RPS6KA2: variants seen among roughly 807,000 people sequenced by gnomAD.
The protein encoded by RPS6KA2 is ribosomal protein S6 kinase alpha-2.
In RPS6KA2, 42 loss-of-function variants were observed where a neutral mutation model predicts 91.8. The observed-to-expected ratio is 0.46, with a 90% confidence interval of 0.36 to 0.59. RPS6KA2 has a LOEUF of 0.59. Ranked by LOEUF, RPS6KA2 falls within the 20% of genes least tolerant of loss-of-function variation. The pLI is 0.00. For synonymous variants in RPS6KA2, 414 were observed against 393.6 expected, an observed-to-expected ratio of 1.05 and a Z score of -0.61; for missense variants, 798 against 978.5, an observed-to-expected ratio of 0.82 and a Z score of 2.46.
intron 16 of RPS6KA2, among the ~76,000 whole-genome samples, chr6:166,427,363 C>T (rs1468494089): frequency 6.6e-6 from 1 of 152,212 alleles, no homozygotes; most frequent in Non-Finnish European, 1.5e-5. Flanking sequence ...TGAGCAAAAA[C>T]TGGAAGCATT....
chr6:166,546,075 G>T (rs540989518), intron 1 of RPS6KA2, among the ~76,000 whole-genome samples: 1 of 152,290 alleles, frequency 6.6e-6, no homozygotes, highest in East Asian at 1.9e-4. Context: ...GGTGTTTTAG[G>T]TATGGCTCCG....
intron 3 of RPS6KA2, among the ~76,000 whole-genome samples, chr6:166,513,637 G>C (rs1782545077): frequency 6.6e-6 from 1 of 152,204 alleles, no homozygotes; most frequent in Non-Finnish European, 1.5e-5. Context: ...TGTCCTCACT[G>C]GACACAGGGG....
chr6:166,758,589 G>T (rs1399302924), intron 2 of RPS6KA2, among the ~76,000 whole-genome samples: 1 of 152,194 alleles, frequency 6.6e-6, no homozygotes, highest in East Asian at 1.9e-4. Flanking sequence ...ATAGCTTCTT[G>T]TTAATACATA....
intron 10 of RPS6KA2, among the ~76,000 whole-genome samples, chr6:166,476,061 C>T (rs901596597): frequency 4.6e-5 from 7 of 152,220 alleles, no homozygotes; most frequent in Admixed American, 1.3e-4. Context: ...ATAATGAGTC[C>T]GGCATCAGCA....
At chr6:166,595,881 A>G (rs558992567) in intron 1 of RPS6KA2, among the ~76,000 whole-genome samples, 15 of 152,382 alleles carry the variant, frequency 9.8e-5, no homozygotes, top group African/African-American at 3.6e-4. Context: ...TCCTGAGCCA[A>G]GCAAATCCAA....
intron 1 of RPS6KA2, among the ~76,000 whole-genome samples, chr6:166,593,316 G>A (rs1583309307): frequency 6.6e-6 from 1 of 152,128 alleles, no homozygotes; most frequent in South Asian, 2.1e-4. Flanking sequence ...GGAATGGAAT[G>A]GAATAGAATA....
intron 2 of RPS6KA2, among the ~76,000 whole-genome samples, chr6:166,736,582 A>G (rs1180229829): frequency 6.6e-6 from 1 of 152,170 alleles, no homozygotes; most frequent in African/African-American, 2.4e-5. Flanking sequence ...GAAAGTGAAG[A>G]TCATTCCATT....
intron 14 of RPS6KA2, among the ~76,000 whole-genome samples, chr6:166,443,559 C>T (rs556993208): frequency 1.6e-4 from 24 of 152,306 alleles, no homozygotes; most frequent in Non-Finnish European, 2.4e-4. Flanking sequence ...ACGTTTAAAG[C>T]GGATCCTTCC....
At chr6:166,851,289 G>T (rs920403624) in intron 2 of RPS6KA2, among the ~76,000 whole-genome samples, 21 of 152,178 alleles carry the variant, frequency 1.4e-4, no homozygotes, top group African/African-American at 4.8e-4. Context: ...ACCCAAACTG[G>T]ATCTCATCGC....
chr6:166,709,970 T>C lies in RPS6KA2; in HGVS notation c.123+148230A>G, dbSNP rs752039733. Among the ~76,000 whole-genome samples, 3 of 152,372 alleles carry C rather than the reference T, an allele frequency of 2.0e-5. No individual in the cohort carries two copies. In the South Asian group the frequency reaches 6.2e-4, roughly 32 times the overall value. The stretch of plus-strand genomic sequence containing the variant: ...AACTGTAAGAGGGTTTCAGTTTTCA[T>C]GTACGCCATATTCTATTATCGAACC... On this transcript the variant is annotated intron_variant, in intron 2 of 21. Coordinates refer to the RPS6KA2 transcript ENST00000503859.
intron 2 of RPS6KA2, among the ~76,000 whole-genome samples, chr6:166,818,812 G>A (rs1454420755): frequency 6.6e-6 from 1 of 151,912 alleles, no homozygotes; most frequent in Non-Finnish European, 1.5e-5. Context: ...TTGAACCAAC[G>A]ACTGTGTCCT....
At chr6:166,528,705 A>G (rs1247208387) in intron 3 of RPS6KA2, among the ~76,000 whole-genome samples, 8 of 152,088 alleles carry the variant, frequency 5.3e-5, no homozygotes, top group Non-Finnish European at 7.4e-5. Context: ...TCTACAAAGA[A>G]CTTAAACAAA....
In RPS6KA2 at chr6:166,448,856, A is replaced by T; in HGVS notation, c.1207-7T>A. On this transcript the variant is annotated splice_region_variant and splice_polypyrimidine_tract_variant and intron_variant, in intron 13 of 20. Coordinates refer to ENST00000265678, the MANE Select transcript of RPS6KA2 (RefSeq NM_021135.6). The surrounding 1 kb of genome is among the most constrained non-coding windows in gnomAD (Gnocchi z 4.7). ...TGTTGTTCCCGTGTAACTGCTGCAGAGGGACCAAGAGAAGAAGAGTTGTCG... is the reference window on the plus strand; with the variant it reads ...TGTTGTTCCCGTGTAACTGCTGCAGTGGGACCAAGAGAAGAAGAGTTGTCG... The T allele has an allele frequency of 6.2e-7, 1 of 1,613,618 alleles. No homozygotes were observed. Among genetic ancestry groups the T allele is most frequent in the Non-Finnish European group, 8.5e-7 (1 of 1,179,736 alleles).
At chr6:166,568,043 C>A (rs1784554512) in intron 1 of RPS6KA2, among the ~76,000 whole-genome samples, 2 of 152,206 alleles carry the variant, frequency 1.3e-5, no homozygotes, top group South Asian at 4.1e-4. Context: ...GGAAATACCT[C>A]CACCGCCAGC....
At position 166,685,239 on chromosome 6, in the gene RPS6KA2, G is replaced by A. The variant is rs528633367; in HGVS notation, c.124-146455C>T. ...AGTGTGGAGTGTGTATGCAGGCTGGGAGGACAGAGGCCGAGGAAAGCTCAG... is the reference window on the plus strand; with the variant it reads ...AGTGTGGAGTGTGTATGCAGGCTGGAAGGACAGAGGCCGAGGAAAGCTCAG... On this transcript the variant is annotated intron_variant, in intron 2 of 21. Transcript: ENST00000503859. Among the ~76,000 whole-genome samples, 54 of 148,214 alleles carry A rather than the reference G, an allele frequency of 3.6e-4. 1 individual carries two copies. The highest frequency in any genetic ancestry group is 3.6e-3 in the East Asian group (18 of 5,066).
intron 2 of RPS6KA2, among the ~76,000 whole-genome samples, chr6:166,828,999 C>A (rs1371046458): frequency 4.6e-5 from 7 of 152,082 alleles, no homozygotes; most frequent in Admixed American, 1.3e-4. Flanking sequence ...CAATAAAAAA[C>A]CAAATAACCC....
At position 166,433,779 on chromosome 6, in the gene RPS6KA2, G is replaced by C. The variant is rs992028231; in HGVS notation, c.1333-1289C>G. Among the ~76,000 whole-genome samples the C allele has an allele frequency of 1.3e-5, 2 of 152,094 alleles. No homozygotes were observed. The highest frequency in any genetic ancestry group is 4.8e-5 in the African/African-American group (2 of 41,406). On this transcript the variant is annotated intron_variant, in intron 14 of 20. Transcript: ENST00000265678. This position sits in a 1 kb window ranked among gnomAD's most constrained non-coding sequence, Gnocchi z 4.4. ...ATTTCGTTAATTTTTTTTGGAGACA[G>C]GGTCTCACTCTGTTGCCTAGGTTGG...
chr6:166,760,920 T>A (rs745975929), intron 2 of RPS6KA2, among the ~76,000 whole-genome samples: 5 of 152,220 alleles, frequency 3.3e-5, no homozygotes, highest in African/African-American at 1.2e-4. Context: ...GCAAAATAAA[T>A]CAGGCCTTTG....
rs1783351739 is a variant in RPS6KA2, at chr6:166,533,184, G to A, written c.217-1871C>T. Among the ~76,000 whole-genome samples the A allele has an allele frequency of 1.3e-5, 2 of 152,186 alleles. No homozygotes were observed. Among genetic ancestry groups the A allele is most frequent in the Non-Finnish European group, 2.9e-5 (2 of 68,036 alleles). ...CTTGAGATCTTCTGCTTTGAATCAC[G>A]GGAAAGTCACATGCCATGCACAGTT... On this transcript the variant is annotated intron_variant, in intron 2 of 20. Transcript: ENST00000265678. This position sits in a 1 kb window ranked among gnomAD's most constrained non-coding sequence, Gnocchi z 4.0.
Sources: gnomAD v4.1 joint callset for allele counts (sites outside exome capture counted in the v4.1 genomes callset) on GRCh38, gnomAD v4.1.1 for gene constraint, Gnocchi (gnomAD v3.1) non-coding constraint, MANE v1.5 for transcripts, NCBI Gene and HGNC (gene_info 2026-07-23, HGNC 2026-07-21) for gene names.